The following LRRC7 variants were observed in gnomAD, a reference collection of about 807,000 sequenced individuals.
The protein encoded by LRRC7 is leucine-rich repeat-containing protein 7.
In LRRC7, 23 loss-of-function variants were observed where a neutral mutation model predicts 175.7. The ratio of observed to expected loss-of-function variants is 0.13; its 90% CI spans 0.09 to 0.19. The LOEUF is 0.19. Among genes scored for constraint, LRRC7 ranks in the 10% least tolerant of loss-of-function variants. LRRC7 has a pLI of 1.00. For missense variants in LRRC7, 1,354 were observed against 1,904.7 expected (o/e 0.71, Z 5.38); for synonymous variants, 685 against 680.9 (o/e 1.01, Z -0.09).
intron 7 of LRRC7, among the ~76,000 whole-genome samples, chr1:69,885,893 G>T (rs1687136841): frequency 9.4e-6 from 1 of 105,956 alleles, no homozygotes; most frequent in African/African-American, 3.5e-5. Flanking sequence ...TCATTCAGGA[G>T]CAGTTTGTTC....
intron 2 of LRRC7, among the ~76,000 whole-genome samples, chr1:69,720,474 T>C (rs1338554594): frequency 6.6e-6 from 1 of 151,822 alleles, no homozygotes; most frequent in East Asian, 1.9e-4. Flanking sequence ...CGTGTTTATA[T>C]AGTCAATATC....
chr1:70,047,364 T>C (rs1477191389), intron 22 of LRRC7, among the ~76,000 whole-genome samples: 1 of 152,148 alleles, frequency 6.6e-6, no homozygotes, highest in Admixed American at 6.6e-5. Flanking sequence ...GAAATGGAGT[T>C]GTAGTATCCA....
intron 11 of LRRC7, among the ~76,000 whole-genome samples, chr1:70,004,739 C>G (rs1392378532): frequency 6.6e-6 from 1 of 151,654 alleles, no homozygotes; most frequent in Non-Finnish European, 1.5e-5. Context: ...GGCTCTCTCT[C>G]CCTCTCTTTC....
intron 1 of LRRC7, among the ~76,000 whole-genome samples, chr1:69,639,386 G>A (rs998729622): frequency 1.8e-4 from 28 of 151,856 alleles, no homozygotes; most frequent in African/African-American, 6.3e-4. Flanking sequence ...GTAGAGATGA[G>A]CCTAAGTGGT....
Position 70,053,101 on chromosome 1 carries a change from C to G in LRRC7, c.4186C>G (p.Pro1396Ala). ...TCCTAGTGGCCAATGGAATCCTTAT[C>G]CACTTGGGAGGCGGGATGTACCTCC... ...VSPSGQWNPY[P>A]LGRRDVPPDT... The change falls in exon 23 of 27, where the codon CCA (proline) becomes GCA (alanine). Residue 1396 changes from proline (P) to alanine (A), a missense_variant. By Grantham distance (27) the Pro-to-Ala change is conservative (BLOSUM62 -1). Around this residue, in one of 4 missense-constraint regions of LRRC7, gnomAD observed 1,032 missense variants for 1,227.2 expected, o/e 0.84. Coordinates refer to ENST00000651989, the MANE Select transcript of LRRC7 (RefSeq NM_001370785.2). 3.7e-6 allele frequency: 6 copies of G among 1,610,464 alleles called. No homozygotes were observed. The highest frequency in any genetic ancestry group is 5.1e-6 in the Non-Finnish European group (6 of 1,178,108).
intron 25 of LRRC7, among the ~76,000 whole-genome samples, chr1:70,094,964 A>G (rs1032598493): frequency 2.0e-5 from 3 of 152,242 alleles, no homozygotes; most frequent in Non-Finnish European, 4.4e-5. Flanking sequence ...TTAAAACTCC[A>G]TATAGCATAA....
chr1:69,665,725 G>A (rs1208817696), intron 1 of LRRC7, among the ~76,000 whole-genome samples: 89 of 151,670 alleles, frequency 5.9e-4, no homozygotes. Flanking sequence ...TTTTCTTGGT[G>A]GAGACGTTAG....
At chr1:69,711,735 G>A (rs987426209) in intron 2 of LRRC7, among the ~76,000 whole-genome samples, 2 of 152,166 alleles carry the variant, frequency 1.3e-5, no homozygotes, top group African/African-American at 2.4e-5. Context: ...AGTGTCTAGA[G>A]TCATAAACAC....
intron 2 of LRRC7, among the ~76,000 whole-genome samples, chr1:69,724,480 T>C (rs1666715042): frequency 6.6e-6 from 1 of 152,204 alleles, no homozygotes; most frequent in African/African-American, 2.4e-5. Flanking sequence ...GCAATAAACA[T>C]TGCTTATGAT....
At chr1:69,723,346 C>T (rs11802404) in intron 2 of LRRC7, among the ~76,000 whole-genome samples, 18,890 of 151,966 alleles carry the variant, frequency 0.12, 1,828 homozygotes, top group African/African-American at 0.26. Flanking sequence ...TGTCAATAAA[C>T]GGAAAGCAGC....
At chr1:69,996,121 T>C (rs1361575145) in intron 11 of LRRC7, among the ~76,000 whole-genome samples, 1 of 151,462 alleles carries the variant, frequency 6.6e-6, no homozygotes, top group East Asian at 1.9e-4. Flanking sequence ...TGGTATCTCA[T>C]TGTGGTTTTG....
chr1:69,688,023 C>T (rs1405221587), intron 2 of LRRC7, among the ~76,000 whole-genome samples: 1 of 152,178 alleles, frequency 6.6e-6, no homozygotes, highest in Non-Finnish European at 1.5e-5. Context: ...TTTGCTGTGA[C>T]TGTTCTTGCT....
At chr1:70,004,177 C>T (rs17131113) in intron 11 of LRRC7, among the ~76,000 whole-genome samples, 3 of 152,052 alleles carry the variant, frequency 2.0e-5, no homozygotes, top group East Asian at 1.9e-4. Flanking sequence ...CTAATGAATG[C>T]GTTTTCGTCA....
At chr1:69,577,790 G>A (rs149565709) in intron 1 of LRRC7, among the ~76,000 whole-genome samples, 1,641 of 152,260 alleles carry the variant, frequency 0.011, 29 homozygotes, top group African/African-American at 0.035. Flanking sequence ...TAGCCTTGTA[G>A]TATAGTTTGA....
At chr1:69,759,266 G>A (rs930694409) in intron 2 of LRRC7, among the ~76,000 whole-genome samples, 2 of 151,934 alleles carry the variant, frequency 1.3e-5, no homozygotes, top group African/African-American at 2.4e-5. Flanking sequence ...TTCTACAATT[G>A]TTGTTAAATA....
intron 11 of LRRC7, among the ~76,000 whole-genome samples, chr1:70,003,184 C>G (rs1655694732): frequency 6.6e-6 from 1 of 152,080 alleles, no homozygotes; most frequent in South Asian, 2.1e-4. Flanking sequence ...AGAACAAGCC[C>G]TGGTTTCTCT....
chr1:69,778,674 T>C lies in LRRC7; in HGVS notation c.304-13369T>C, dbSNP rs1373299774. On this transcript the variant is annotated intron_variant, in intron 3 of 26. Transcript: ENST00000651989. ...GCTCAATAATGTGGCTAAGTATGAA[T>C]GGAGTCAGAATTCAAATCCTGGTCT... Among the ~76,000 whole-genome samples, 4 of 152,234 alleles carry C rather than the reference T, an allele frequency of 2.6e-5. No individual in the cohort carries two copies. The East Asian group carries it at 7.7e-4, about 29-fold the overall frequency.
At position 70,135,372 on chromosome 1, in the gene LRRC7, T is replaced by C. The variant is rs536046782; in HGVS notation, c.*13485T>C. 6.6e-6 allele frequency among the ~76,000 whole-genome samples: 1 copy of C among 152,164 alleles called. No individual in the cohort carries two copies. The highest frequency in any genetic ancestry group is 1.5e-5 in the Non-Finnish European group (1 of 68,028). On this transcript the variant is annotated 3_prime_UTR_variant, in exon 27 of 27. Transcript: ENST00000651989. ...CATACTGTAGAACAAACATCATTTT[T>C]TTAGTTCTGTCATGAGGTAAAGATG...
chr1:69,852,396 T>C (rs1683088211), intron 7 of LRRC7, among the ~76,000 whole-genome samples: 2 of 152,180 alleles, frequency 1.3e-5, no homozygotes, highest in South Asian at 2.1e-4. Flanking sequence ...ACTTGACTGA[T>C]TGGCAGGAAC....
Sources: allele counts gnomAD v4.1 joint callset (sites outside exome capture counted in the v4.1 genomes callset), GRCh38; gene constraint gnomAD v4.1.1; regional missense constraint gnomAD v4.1.1; transcripts MANE v1.5; gene names NCBI Gene and HGNC (gene_info 2026-07-23, HGNC 2026-07-21).